Variants in IWS1 observed in about 807,000 individuals in gnomAD.
IWS1 encodes the protein interacts with SUPT6H, CTD assembly factor 1, also known as protein IWS1 homolog.
A neutral mutation model predicts 86.7 loss-of-function variants in IWS1; 27 were observed. That is an observed-to-expected ratio of 0.31 (90% CI 0.23 to 0.43). The LOEUF is 0.43. Ranked by LOEUF, IWS1 falls within the 20% of genes least tolerant of loss-of-function variation. IWS1 has a pLI of 1.00. For missense variants in IWS1, 827 were observed against 1,000.8 expected (o/e 0.83, Z 2.34); for synonymous variants, 313 against 335.1 (o/e 0.93, Z 0.72).
Position 127,526,368 on chromosome 2 carries a change from G to C in IWS1, c.-160C>G. 6.5e-7 allele frequency: 1 copy of C among 1,536,796 alleles called. No individual in the cohort carries two copies. The highest frequency in any genetic ancestry group is 2.0e-5 in the Admixed American group (1 of 50,998). On this transcript the variant is annotated 5_prime_UTR_variant, in exon 1 of 14. Transcript: ENST00000295321. ...AGGGTAAGAAAGCGGTAGCGGCAAA[G>C]GCGAATTCTTTGACCTGGAAGCCCC...
At chr2:127,524,570 C>T (rs2104751596) in intron 1 of IWS1, among the ~76,000 whole-genome samples, 1 of 150,576 alleles carries the variant, frequency 6.6e-6, no homozygotes, top group South Asian at 2.1e-4. Context: ...CACAGTTTTG[C>T]TCTTTTGGCC....
intron 13 of IWS1, among the ~76,000 whole-genome samples, chr2:127,485,079 GACACGGA>G (rs1460710516): frequency 6.6e-6 from 1 of 152,150 alleles, no homozygotes; most frequent in African/African-American, 2.4e-5. Flanking sequence ...GGTGGTCAGG[GACACGGA>G]TATGGGCACA....
At chr2:127,498,647 T>A (rs1198096970) in intron 5 of IWS1, 1 of 155,418 alleles carries the variant, frequency 6.4e-6, no homozygotes, top group Non-Finnish European at 1.4e-5. Flanking sequence ...CTTATTTGCC[T>A]AGTCACATTT....
intron 4 of IWS1, 32 bp downstream of exon 4, chr2:127,503,355 C>A: frequency 2.6e-6 from 4 of 1,539,868 alleles, no homozygotes; most frequent in Non-Finnish European, 3.5e-6. Flanking sequence ...TAATTAAGAA[C>A]CCCTGAAAAC....
intron 2 of IWS1, 22 bp downstream of exon 2, chr2:127,523,654 A>G: frequency 1.3e-6 from 2 of 1,508,150 alleles, no homozygotes; most frequent in Non-Finnish European, 9.2e-7. Context: ...AAGCCCTCCC[A>G]AAGATGTTGG....
Position 127,503,320 on chromosome 2 carries a change from A to G in IWS1, c.1409+67T>C, listed in dbSNP as rs894264622. ...GCAATTAGGCAGGACATATTGTATTATAACACAGACCCCTCTCTACTGCCT... is the reference window on the plus strand; with the variant it reads ...GCAATTAGGCAGGACATATTGTATTGTAACACAGACCCCTCTCTACTGCCT... On this transcript the variant is annotated intron_variant, in intron 4 of 13. Coordinates refer to ENST00000295321, the MANE Select transcript of IWS1 (RefSeq NM_017969.3). 6.4e-5 allele frequency: 77 copies of G among 1,196,392 alleles called. No individual in the cohort carries two copies. The African/African-American group carries it at 6.7e-4, about 10-fold the overall frequency. 74.1% of individuals were successfully genotyped at this position (1,196,392 alleles called of 1,614,324 possible). A position where few individuals can be genotyped will look rare whatever the true frequency, so the allele number is the denominator to read the frequency against.
chr2:127,483,583 T>TGG (rs1407597392), intron 13 of IWS1, among the ~76,000 whole-genome samples: 341 of 20,604 alleles, frequency 0.017, 25 homozygotes, highest in African/African-American at 0.054. Flanking sequence ...GGGCGGGGGG[T>TGG]GGTGGGGTGG....
At chr2:127,493,108 A>C (rs1201454472) in intron 9 of IWS1, 173 bp downstream of exon 9, 1 of 500,804 alleles carries the variant, frequency 2.0e-6, no homozygotes, top group African/African-American at 2.0e-5. Context: ...ATGAAGTTTT[A>C]TAAGGTCTTC....
At position 127,496,111 on chromosome 2, in the gene IWS1, G is replaced by A. The variant is rs769514637; in HGVS notation, c.1603C>T (p.Arg535Ter). Residue 535 changes from arginine (R) to a stop codon, truncating the protein, a stop_gained, in exon 7 of 14, where the codon CGA becomes TGA. Coordinates refer to ENST00000295321, the MANE Select transcript of IWS1 (RefSeq NM_017969.3). LOFTEE classifies it high-confidence loss of function. ...CGCTTGCCACTCATGCTCTTTTTTC[G>A]CTGCAACATCATCTCAAAATCTGAC... ...FLSDFEMMLQ[R>*]KKSMSGKRRR... 2.5e-6 allele frequency: 4 copies of A among 1,613,384 alleles called. No homozygotes were observed. The highest frequency in any genetic ancestry group is 1.3e-5 in the African/African-American group (1 of 74,922).
intron 5 of IWS1, among the ~76,000 whole-genome samples, chr2:127,502,416 T>C (rs1365038187): frequency 6.6e-6 from 1 of 152,248 alleles, no homozygotes; most frequent in African/African-American, 2.4e-5. Flanking sequence ...AGTAATTCTT[T>C]GCTACTTTGT....
At chr2:127,496,974 G>T (rs1293222552) in intron 6 of IWS1, among the ~76,000 whole-genome samples, 1 of 152,180 alleles carries the variant, frequency 6.6e-6, no homozygotes, top group Non-Finnish European at 1.5e-5. Context: ...ATGCTGCACA[G>T]GTTTGTACCC....
At chr2:127,500,255 C>T (rs4662733) in intron 5 of IWS1, among the ~76,000 whole-genome samples, 77,007 of 152,008 alleles carry the variant, frequency 0.51, 21,349 homozygotes, top group Admixed American at 0.66. Context: ...TTTTAACATT[C>T]GTAATTGCCA....
At chr2:127,485,085 G>A (rs1235496907) in intron 13 of IWS1, among the ~76,000 whole-genome samples, 1 of 152,136 alleles carries the variant, frequency 6.6e-6, no homozygotes, top group African/African-American at 2.4e-5. Flanking sequence ...CAGGGACACG[G>A]ATATGGGCAC....
chr2:127,526,961 T>G, upstream of IWS1: 2 of 267,984 alleles, frequency 7.5e-6, no homozygotes, highest in Non-Finnish European at 1.5e-5. Context: ...TTCCTCTCTT[T>G]CATTCTAAAC....
At chr2:127,507,360 T>C (rs941918761) in intron 2 of IWS1, among the ~76,000 whole-genome samples, 1 of 152,222 alleles carries the variant, frequency 6.6e-6, no homozygotes, top group Non-Finnish European at 1.5e-5. Flanking sequence ...AAAGAGTCAT[T>C]GCTATACACA....
chr2:127,504,904 G>A lies in IWS1; in HGVS notation c.999C>T (p.Ser333=), dbSNP rs139734689. 3.5e-5 allele frequency: 57 copies of A among 1,614,000 alleles called. No homozygotes were observed. Among genetic ancestry groups the A allele is most frequent in the African/African-American group, 3.3e-4 (25 of 74,942 alleles). ...HKQKPESDDD[S]DRENKGEDTE... Reference sequence around the variant, plus strand: ...TATCCTCTCCCTTATTCTCCCTGTCGCTGTCATCATCTGACTCTGGCTTCT... The same window carrying A: ...TATCCTCTCCCTTATTCTCCCTGTCACTGTCATCATCTGACTCTGGCTTCT... Residue 333 remains serine, a synonymous_variant, in exon 3 of 14, where the codon AGC becomes AGT. Coordinates refer to ENST00000295321, the MANE Select transcript of IWS1 (RefSeq NM_017969.3).
intron 2 of IWS1, among the ~76,000 whole-genome samples, chr2:127,516,311 T>C (rs1199171222): frequency 6.6e-6 from 1 of 151,922 alleles, no homozygotes; most frequent in African/African-American, 2.4e-5. Flanking sequence ...GTCATGGCAC[T>C]CCAGCCTGGG....
In IWS1 at chr2:127,483,085, GA is replaced by G. The variant is rs1025769412; in HGVS notation, c.2329-1911del. 6.3e-3 allele frequency: 942 copies of G among 149,214 alleles called. 12 individuals are homozygous for G. Among genetic ancestry groups the G allele is most frequent in the African/African-American group, 0.022 (895 of 40,732 alleles). 9.2% of individuals were successfully genotyped at this position (149,214 alleles called of 1,614,324 possible). On this transcript the variant is annotated intron_variant, in intron 13 of 13. Transcript: ENST00000295321. ...CCAGTAATTGTCTATGCATATGTAT[GA>G]AAAAAAAAGAAATAATTTAAAATGT... is the stretch of plus-strand genomic sequence containing the variant.
chr2:127,491,271 C>T (rs940169858), intron 10 of IWS1, among the ~76,000 whole-genome samples: 1 of 152,174 alleles, frequency 6.6e-6, no homozygotes, highest in African/African-American at 2.4e-5. Context: ...CAAAAGAAAA[C>T]ACATAATTAT....
Sources: allele counts gnomAD v4.1 joint callset (sites outside exome capture counted in the v4.1 genomes callset), GRCh38; gene constraint gnomAD v4.1.1; transcripts MANE v1.5; gene names NCBI Gene and HGNC (gene_info 2026-07-23, HGNC 2026-07-21).